The following SEC24B variants were observed in gnomAD, a reference collection of about 807,000 sequenced individuals.
SEC24B encodes protein transport protein Sec24B.
A neutral mutation model predicts 142.8 loss-of-function variants in SEC24B; 45 were observed. That is an observed-to-expected ratio of 0.32 (90% CI 0.25 to 0.40). SEC24B has a LOEUF of 0.40. Ranked by LOEUF, SEC24B falls within the 10% of genes least tolerant of loss-of-function variation. SEC24B has a pLI of 1.00. For synonymous variants in SEC24B, 574 were observed against 568.2 expected, an observed-to-expected ratio of 1.01 and a Z score of -0.15; for missense variants, 1,409 against 1,526.8, an observed-to-expected ratio of 0.92 and a Z score of 1.29.
At chr4:109,461,932 A>G (rs1731297224) in intron 1 of SEC24B, among the ~76,000 whole-genome samples, 1 of 152,162 alleles carries the variant, frequency 6.6e-6, no homozygotes, top group South Asian at 2.1e-4. Context: ...ACACAGTGAG[A>G]CCCTGTCTCT....
chr4:109,536,274 G>T (rs1209444514), intron 22 of SEC24B, among the ~76,000 whole-genome samples: 2 of 152,170 alleles, frequency 1.3e-5, no homozygotes, highest in African/African-American at 4.8e-5. Context: ...AAACAGATCA[G>T]TGGGACAGAA....
intron 10 of SEC24B, among the ~76,000 whole-genome samples, chr4:109,515,917 A>G (rs1398157834): frequency 1.4e-5 from 2 of 143,980 alleles, no homozygotes; most frequent in Non-Finnish European, 3.1e-5. Context: ...GCGTGGAGGC[A>G]TGTGCCTGTA....
At chr4:109,530,532 G>T in intron 19 of SEC24B, 68 bp downstream of exon 19, 1 of 1,258,458 alleles carries the variant, frequency 7.9e-7, no homozygotes, top group Non-Finnish European at 1.1e-6. Context: ...CATGAAGAAA[G>T]GAAATCTAGG....
At chr4:109,482,979 T>TATATATATATATACACACACAC (rs781527364) in intron 4 of SEC24B, among the ~76,000 whole-genome samples, 3 of 26,412 alleles carry the variant, frequency 1.1e-4, no homozygotes, top group Non-Finnish European at 2.3e-4. Context: ...TATATATATA[T>TATATATATATATACACACACAC]ACACACACAC....
chr4:109,445,498 C>T (rs564229737), intron 1 of SEC24B, among the ~76,000 whole-genome samples: 5 of 146,700 alleles, frequency 3.4e-5, no homozygotes, highest in East Asian at 2.1e-4. Flanking sequence ...GTGATCCGCC[C>T]GTCTCAGCCT....
rs1041503505 is a variant in SEC24B, at chr4:109,539,759, G to T, written c.*84G>T. On this transcript the variant is annotated 3_prime_UTR_variant, in exon 24 of 24. Transcript: ENST00000265175. ...GAGAAGCGCGTGAGAAATTTGAAAT[G>T]AAGGCATTTGTTAATACAAGATGCA... The T allele has an allele frequency of 1.0e-5, 9 of 882,394 alleles. No individual in the cohort carries two copies. The highest frequency in any genetic ancestry group is 1.6e-5 in the Non-Finnish European group (9 of 552,476). The allele number at this position is 882,394 out of a possible 1,614,324, so 54.7% of individuals were successfully genotyped here.
At chr4:109,447,161 TA>T (rs959805809) in intron 1 of SEC24B, among the ~76,000 whole-genome samples, 1 of 152,124 alleles carries the variant, frequency 6.6e-6, no homozygotes, top group Admixed American at 6.6e-5. Flanking sequence ...AGGTTCCATA[TA>T]CAGGGAAAAG....
chr4:109,511,208 G>A (rs1737286119), intron 8 of SEC24B, among the ~76,000 whole-genome samples: 1 of 151,666 alleles, frequency 6.6e-6, no homozygotes, highest in South Asian at 2.1e-4. Context: ...ATACTAAATT[G>A]TTTACAGTGA....
intron 1 of SEC24B, among the ~76,000 whole-genome samples, chr4:109,436,852 G>C (rs536839516): frequency 6.6e-6 from 1 of 152,160 alleles, no homozygotes; most frequent in Non-Finnish European, 1.5e-5. Flanking sequence ...GGAGGGTGGC[G>C]GCACCTGCCC....
rs1250238753 is a variant in SEC24B, at chr4:109,533,598, T to C, written c.3501T>C (p.Phe1167=). The C allele has an allele frequency of 1.2e-6, 2 of 1,607,270 alleles. No individual in the cohort carries two copies. Among genetic ancestry groups the C allele is most frequent in the Non-Finnish European group, 1.7e-6 (2 of 1,175,790 alleles). ...TTGTTGCTTTTTCTTTTTAGGTTTT[T>C]TACATTTGGGTTGGGAAAGGCTGTG... ...GAFLMDCGSV[F]YIWVGKGCDN... is the part of the protein sequence containing the mutation. The change falls in exon 22 of 24, where the codon TTT becomes TTC. Residue 1167 remains phenylalanine, a synonymous_variant. Transcript: ENST00000265175.
At chr4:109,495,901 G>A (rs1298052044) in intron 6 of SEC24B, among the ~76,000 whole-genome samples, 2 of 152,036 alleles carry the variant, frequency 1.3e-5, no homozygotes, top group African/African-American at 4.8e-5. Flanking sequence ...AAGCCTTACT[G>A]AGGATTCCCA....
chr4:109,509,678 GAAAAA>G (rs1020221678), intron 7 of SEC24B, among the ~76,000 whole-genome samples: 2 of 46,386 alleles, frequency 4.3e-5, no homozygotes, highest in Non-Finnish European at 1.2e-4. Flanking sequence ...CTCCATCTCA[GAAAAA>G]AAAAAAAAAA....
chr4:109,498,137 C>T (rs1735721143), intron 6 of SEC24B, among the ~76,000 whole-genome samples: 1 of 152,038 alleles, frequency 6.6e-6, no homozygotes, highest in African/African-American at 2.4e-5. Context: ...AGTAAAAAAT[C>T]ATACTCAGAC....
chr4:109,482,214 G>A (rs1578858317), intron 4 of SEC24B, among the ~76,000 whole-genome samples: 1 of 152,228 alleles, frequency 6.6e-6, no homozygotes. Context: ...AAATAGGACA[G>A]TGTTTCAGTG....
At chr4:109,460,291 T>G (rs944268335) in intron 1 of SEC24B, among the ~76,000 whole-genome samples, 2 of 152,176 alleles carry the variant, frequency 1.3e-5, no homozygotes, top group African/African-American at 4.8e-5. Context: ...TATAAACAAG[T>G]ATTTTAATAC....
intron 5 of SEC24B, among the ~76,000 whole-genome samples, chr4:109,494,052 CTTTT>C (rs1735284483): frequency 6.6e-6 from 1 of 152,092 alleles, no homozygotes. Flanking sequence ...AGTTGGCACC[CTTTT>C]TATTGCTTGC....
At chr4:109,436,817 G>C (rs1304817025) in intron 1 of SEC24B, among the ~76,000 whole-genome samples, 1 of 152,204 alleles carries the variant, frequency 6.6e-6, no homozygotes, top group African/African-American at 2.4e-5. Flanking sequence ...TGACCTTCTG[G>C]GTTGCTGAAC....
intron 1 of SEC24B, among the ~76,000 whole-genome samples, chr4:109,457,857 A>G (rs992196462): frequency 6.6e-5 from 10 of 152,320 alleles, no homozygotes; most frequent in African/African-American, 2.4e-4. Context: ...AACCCACTCA[A>G]ATAATCCAAG....
chr4:109,474,365 T>C (rs1173689227), intron 3 of SEC24B, among the ~76,000 whole-genome samples: 1 of 152,164 alleles, frequency 6.6e-6, no homozygotes. Context: ...CTTCCATTTC[T>C]TAAATGTTTC....
Sources: gnomAD v4.1 joint callset for allele counts (sites outside exome capture counted in the v4.1 genomes callset) on GRCh38, gnomAD v4.1.1 for gene constraint, MANE v1.5 for transcripts, NCBI Gene and HGNC (gene_info 2026-07-23, HGNC 2026-07-21) for gene names.